The following SLC6A16 variants were observed in gnomAD, a reference collection of about 807,000 sequenced individuals.
SLC6A16 encodes orphan sodium- and chloride-dependent neurotransmitter transporter NTT5.
A neutral mutation model predicts 65.4 loss-of-function variants in SLC6A16; 54 were observed. That is an observed-to-expected ratio of 0.83 (90% CI 0.66 to 1.04). SLC6A16 has a LOEUF of 1.04. Ranked by LOEUF, SLC6A16 falls within the 50% of genes least tolerant of loss-of-function variation. SLC6A16 has a pLI of 0.00. For missense variants in SLC6A16, 816 were observed against 914.0 expected, an observed-to-expected ratio of 0.89 and a Z score of 1.38; for synonymous variants, 330 against 346.5, an observed-to-expected ratio of 0.95 and a Z score of 0.53.
intron 1 of SLC6A16, chr19:49,312,382 G>T: frequency 1.0e-5 from 2 of 190,714 alleles, no homozygotes; most frequent in Non-Finnish European, 1.9e-5. Context: ...TAAAATAGCA[G>T]CTACCTACCC....
intron 9 of SLC6A16, 22 bp from the exon 10 acceptor site, chr19:49,293,404 G>C: frequency 6.2e-7 from 1 of 1,613,216 alleles, no homozygotes; most frequent in Non-Finnish European, 8.5e-7. Flanking sequence ...ATGAGATCTG[G>C]ATCAAGGTTA....
the SLC6A16 span, chr19:49,338,707 G>A: frequency 2.5e-6 from 4 of 1,609,620 alleles, no homozygotes; most frequent in Non-Finnish European, 3.4e-6. The surrounding 1 kb of genome is among the most constrained non-coding windows in gnomAD (Gnocchi z 5.0). Flanking sequence ...CAGCTGCGCT[G>A]CTGCGGCTGG....
At chr19:49,339,717 G>A in the SLC6A16 span, 1 of 1,401,234 alleles carries the variant, frequency 7.1e-7, no homozygotes, top group Non-Finnish European at 9.2e-7. The surrounding 1 kb of genome is among the most constrained non-coding windows in gnomAD (Gnocchi z 4.5). Flanking sequence ...GGAAATGCGA[G>A]CCGCACGTGC....
At chr19:49,317,678 C>T (rs147453273) in intron 1 of SLC6A16, among the ~76,000 whole-genome samples, 3,386 of 151,918 alleles carry the variant, frequency 0.022, 125 homozygotes, top group African/African-American at 0.071. Context: ...TGGTGGCGGG[C>T]GCCTGTAGTC....
intron 1 of SLC6A16, among the ~76,000 whole-genome samples, chr19:49,318,884 T>TC (rs1970660135): frequency 6.7e-6 from 1 of 149,672 alleles, no homozygotes; most frequent in East Asian, 2.0e-4. Context: ...TTTTTTTTTT[T>TC]TTTTTTTTAG....
chr19:49,317,332 C>A (rs933012120), intron 1 of SLC6A16, among the ~76,000 whole-genome samples: 2 of 151,412 alleles, frequency 1.3e-5, no homozygotes, highest in South Asian at 2.1e-4. Flanking sequence ...CAGAGTAAGA[C>A]CCTATCTCAA....
At chr19:49,321,219 A>C (rs1381899615) in intron 1 of SLC6A16, among the ~76,000 whole-genome samples, 1 of 152,174 alleles carries the variant, frequency 6.6e-6, no homozygotes, top group African/African-American at 2.4e-5. Context: ...TACAAAAATC[A>C]ATCAATATAA....
At chr19:49,329,099 T>C (rs1970824327), upstream of SLC6A16, among the ~76,000 whole-genome samples, 1 of 152,088 alleles carries the variant, frequency 6.6e-6, no homozygotes. Flanking sequence ...ATGTTTATTG[T>C]GTTTTTTTTT....
At chr19:49,302,094 G>A (rs1192554807) in intron 7 of SLC6A16, among the ~76,000 whole-genome samples, 1 of 152,322 alleles carries the variant, frequency 6.6e-6, no homozygotes, top group Admixed American at 6.5e-5. Flanking sequence ...AAGCTGTCAG[G>A]CCCCACTGCC....
In SLC6A16 at chr19:49,309,759, G is replaced by A. The variant is rs1236437803; in HGVS notation, c.768C>T (p.Asp256=). The change falls in exon 5 of 12, where the codon GAC becomes GAT. Residue 256 remains aspartate, a synonymous_variant. Coordinates refer to ENST00000335875, the MANE Select transcript of SLC6A16 (RefSeq NM_014037.3). ...FWYQQALKAS[D]RIEDGGSPVY... ...CTGGTGACCCGCCATCCTCGATTCT[G>A]TCTGAGGCCTTCAAGGCCTGCTGGT... The A allele has an allele frequency of 1.2e-6, 2 of 1,613,990 alleles. No individual in the cohort carries two copies. Among genetic ancestry groups the A allele is most frequent in the Non-Finnish European group, 1.7e-6 (2 of 1,179,980 alleles).
the SLC6A16 span, chr19:49,331,910 C>T: frequency 2.2e-6 from 1 of 454,888 alleles, no homozygotes; most frequent in South Asian, 1.6e-5. Flanking sequence ...CTGCCACCTA[C>T]CCTTCGACTT....
intron 7 of SLC6A16, among the ~76,000 whole-genome samples, chr19:49,307,733 AG>A (rs377171792): frequency 0.014 from 1,599 of 113,334 alleles, 40 homozygotes; most frequent in African/African-American, 0.045. Flanking sequence ...GCAAAAAAAA[AG>A]AAAAAGAAAA....
chr19:49,330,691 C>T, the SLC6A16 span, among the ~76,000 whole-genome samples: 2 of 152,096 alleles, frequency 1.3e-5, no homozygotes, highest in African/African-American at 4.8e-5. Flanking sequence ...CCTGTAATCC[C>T]AGGACTTTGG....
At chr19:49,309,926 C>T in intron 4 of SLC6A16, 100 bp from the exon 5 acceptor site, 1 of 1,449,984 alleles carries the variant, frequency 6.9e-7, no homozygotes, top group South Asian at 1.2e-5. Context: ...TCTCCCATTT[C>T]TTTTTCCTTC....
chr19:49,339,629 G>A, the SLC6A16 span: 3 of 1,432,036 alleles, frequency 2.1e-6, no homozygotes, highest in Non-Finnish European at 2.7e-6. This position sits in a 1 kb window ranked among gnomAD's most constrained non-coding sequence, Gnocchi z 4.5. Context: ...CCTGCTATTG[G>A]CTGCGATCTC....
chr19:49,290,899 CCT>C, intron 10 of SLC6A16, 132 bp from the exon 11 acceptor site: 1 of 784,852 alleles, frequency 1.3e-6, no homozygotes, highest in Non-Finnish European at 2.0e-6. Context: ...CAAGTCTTGT[CCT>C]CTCTCATCTT....
At chr19:49,299,253 A>T (rs1303365571) in intron 7 of SLC6A16, among the ~76,000 whole-genome samples, 1 of 151,796 alleles carries the variant, frequency 6.6e-6, no homozygotes, top group Non-Finnish European at 1.5e-5. Flanking sequence ...CTCAAAAAAA[A>T]AAAAAAAGAA....
At chr19:49,337,239 G>C in the SLC6A16 span, 1 of 1,610,686 alleles carries the variant, frequency 6.2e-7, no homozygotes, top group South Asian at 1.1e-5. Context: ...TCCTGCAGTG[G>C]CCACCACCCA....
chr19:49,317,953 G>T (rs887021363), intron 1 of SLC6A16, among the ~76,000 whole-genome samples: 2 of 152,238 alleles, frequency 1.3e-5, no homozygotes, highest in Admixed American at 1.3e-4. Flanking sequence ...TCCAAACTTT[G>T]GCACAGGAGG....
Sources: gnomAD v4.1 joint callset for allele counts (sites outside exome capture counted in the v4.1 genomes callset) on GRCh38, gnomAD v4.1.1 for gene constraint, Gnocchi (gnomAD v3.1) non-coding constraint, MANE v1.5 for transcripts, NCBI Gene and HGNC (gene_info 2026-07-23, HGNC 2026-07-21) for gene names.